The following RGS22 variants were observed in gnomAD, a reference collection of about 807,000 sequenced individuals.
RGS22 encodes the protein regulator of G protein signaling 22.
RGS22 carries 148 observed loss-of-function variants against 172.9 expected under a neutral mutation model. The ratio of observed to expected loss-of-function variants is 0.86; its 90% confidence interval spans 0.75 to 0.98. The LOEUF is 0.98. RGS22 is among the 50% of genes least tolerant of loss of function. The pLI is 0.00. For synonymous variants in RGS22, 458 were observed against 480.2 expected (o/e 0.95, Z 0.60); for missense variants, 1,347 against 1,440.8 (o/e 0.93, Z 1.05).
chr8:99,969,733 C>G (rs1811129884), intron 23 of RGS22, among the ~76,000 whole-genome samples: 1 of 152,162 alleles, frequency 6.6e-6, no homozygotes, highest in African/African-American at 2.4e-5. Flanking sequence ...ATTCATAAAG[C>G]AAGTTCTTAG....
rs575513188 is a variant in RGS22, at chr8:99,995,811, C to T, written c.3018+651G>A. On this transcript the variant is annotated intron_variant, in intron 20 of 27. Transcript: ENST00000360863. The stretch of plus-strand genomic sequence containing the variant: ...ATGCTGCTATAAAGACACATGCACA[C>T]GTATGTTTATTGCAGCACTATTCAC... Among the ~76,000 whole-genome samples the T allele has an allele frequency of 1.7e-3, 263 of 152,236 alleles. 3 individuals are homozygous for T. Among genetic ancestry groups the T allele is most frequent in the African/African-American group, 6.0e-3 (248 of 41,532 alleles).
At chr8:100,048,961 T>G (rs1381777220) in intron 10 of RGS22, among the ~76,000 whole-genome samples, 1 of 152,126 alleles carries the variant, frequency 6.6e-6, no homozygotes, top group Non-Finnish European at 1.5e-5. Context: ...TAAAAAGTGA[T>G]TAAGATGACA....
chr8:100,012,170 G>A (rs1258291301), intron 14 of RGS22, among the ~76,000 whole-genome samples: 2 of 151,976 alleles, frequency 1.3e-5, no homozygotes, highest in African/African-American at 4.8e-5. Flanking sequence ...CAATTGAAAT[G>A]CTCTACTGTG....
At chr8:100,059,471 A>C (rs1043797930) in intron 9 of RGS22, among the ~76,000 whole-genome samples, 12 of 152,152 alleles carry the variant, frequency 7.9e-5, no homozygotes, top group African/African-American at 2.4e-4. Context: ...AAACAAAAAA[A>C]AAAAAGCAGG....
rs1279137478 is a variant in RGS22 at position 100,003,974 on chromosome 8, T to C, written c.2579A>G (p.Lys860Arg). ...HFKFSDLLNNKLEFEHFRQFL... is the reference protein window; with the variant it reads ...HFKFSDLLNNRLEFEHFRQFL... Reference sequence around the variant, plus strand: ...CTGACGGAAATGTTCAAACTCCAGTTTGTTGTTAAGCAGATCACTAAACTT... The same window carrying C: ...CTGACGGAAATGTTCAAACTCCAGTCTGTTGTTAAGCAGATCACTAAACTT... Residue 860 changes from lysine (K) to arginine (R), a missense_variant, in exon 17 of 28, where the codon AAA (lysine) becomes AGA (arginine). Transcript: ENST00000360863. The C allele has an allele frequency of 6.2e-7, 1 of 1,610,792 alleles. No individual in the cohort carries two copies. The highest frequency in any genetic ancestry group is 8.5e-7 in the Non-Finnish European group (1 of 1,178,174).
At chr8:99,975,577 G>A (rs1049398739) in intron 23 of RGS22, among the ~76,000 whole-genome samples, 2 of 150,594 alleles carry the variant, frequency 1.3e-5, no homozygotes, top group Non-Finnish European at 2.9e-5. Flanking sequence ...ATGATAGTGT[G>A]TATTGCCATT....
At chr8:99,962,560 G>T in intron 26 of RGS22, 117 bp from the exon 27 acceptor site, 1 of 1,393,012 alleles carries the variant, frequency 7.2e-7, no homozygotes, top group Non-Finnish European at 1.0e-6. Flanking sequence ...CTAAGTTGGG[G>T]GGCAGAATAG....
intron 2 of RGS22, among the ~76,000 whole-genome samples, chr8:100,094,593 T>C (rs553050800): frequency 7.2e-5 from 11 of 152,352 alleles, no homozygotes; most frequent in Non-Finnish European, 1.5e-4. Flanking sequence ...AAATTTCAAC[T>C]GATTAAAATA....
rs948776652 is a variant in RGS22 at position 100,048,908 on chromosome 8, C to T, written c.1690-1312G>A. On this transcript the variant is annotated intron_variant, in intron 10 of 27. Coordinates refer to ENST00000360863, the MANE Select transcript of RGS22 (RefSeq NM_015668.5). ...ATGAGAAAGTTCTAGAGATCTGTTTCACAACATTGTGAATATAACTAATAC... is the reference window on the plus strand; with the variant it reads ...ATGAGAAAGTTCTAGAGATCTGTTTTACAACATTGTGAATATAACTAATAC... Among the ~76,000 whole-genome samples the T allele has an allele frequency of 2.6e-5, 4 of 152,030 alleles. 1 individual carries two copies. The highest frequency in any genetic ancestry group is 4.1e-4 in the South Asian group (2 of 4,838).
chr8:99,987,699 C>G (rs1299345205), intron 20 of RGS22, 80 bp from the exon 21 acceptor site: 11 of 1,090,316 alleles, frequency 1.0e-5, no homozygotes, highest in Non-Finnish European at 3.7e-6. Context: ...AAAATTTTGC[C>G]TGTTGAAATG....
intron 9 of RGS22, among the ~76,000 whole-genome samples, chr8:100,054,003 C>A (rs929656794): frequency 2.0e-5 from 3 of 152,070 alleles, no homozygotes; most frequent in African/African-American, 7.2e-5. Flanking sequence ...TATTTTCAAG[C>A]CTTAAATTTG....
chr8:100,045,698 A>G (rs760872991), intron 11 of RGS22, among the ~76,000 whole-genome samples: 23 of 151,192 alleles, frequency 1.5e-4, no homozygotes, highest in East Asian at 1.9e-4. Context: ...AAATTCTTTT[A>G]GGAATTTATA....
intron 14 of RGS22, among the ~76,000 whole-genome samples, chr8:100,030,116 G>A (rs1300673583): frequency 6.6e-6 from 1 of 152,178 alleles, no homozygotes; most frequent in Non-Finnish European, 1.5e-5. Flanking sequence ...TCAATCAATG[G>A]TGGACCACAT....
chr8:100,080,426 T>C, intron 3 of RGS22, 71 bp from the exon 4 acceptor site: 1 of 1,091,400 alleles, frequency 9.2e-7, no homozygotes, highest in Non-Finnish European at 1.3e-6. Context: ...AGAAGACTTG[T>C]GGTTTACATA....
chr8:100,047,838 T>C (rs1820886218), intron 10 of RGS22, among the ~76,000 whole-genome samples: 1 of 152,178 alleles, frequency 6.6e-6, no homozygotes, highest in Non-Finnish European at 1.5e-5. Flanking sequence ...ATATCCTTAC[T>C]TCCACCATTG....
At chr8:100,015,746 A>G (rs1354590790) in intron 14 of RGS22, among the ~76,000 whole-genome samples, 1 of 152,254 alleles carries the variant, frequency 6.6e-6, no homozygotes, top group Admixed American at 6.5e-5. Context: ...GGAAATAAGT[A>G]GCATAACTTC....
chr8:99,990,694 C>T (rs917819878), intron 20 of RGS22, among the ~76,000 whole-genome samples: 1 of 152,170 alleles, frequency 6.6e-6, no homozygotes, highest in African/African-American at 2.4e-5. Context: ...GTGGGCAGGG[C>T]ATAACTGAAC....
rs771660487 is a variant in RGS22, at chr8:100,063,791, C to T, written c.977G>A (p.Gly326Glu). The T allele has an allele frequency of 1.9e-6, 3 of 1,614,032 alleles. No individual in the cohort carries two copies. Among genetic ancestry groups the T allele is most frequent in the Non-Finnish European group, 2.5e-6 (3 of 1,179,990 alleles). The change falls in exon 8 of 28, where the codon GGA becomes GAA. Residue 326 changes from glycine to glutamate, a missense_variant. Transcript: ENST00000360863. ...CTTTCCAACAATTTGCTGAATTGCT[C>T]CTCTCAAAATAAAGTATATATAGGA... is the stretch of plus-strand genomic sequence containing the variant. The part of the protein sequence containing the change: ...LSSYIYFILR[G>E]AIQQIVGKPV...
At chr8:100,043,275 C>A (rs921849120) in intron 11 of RGS22, among the ~76,000 whole-genome samples, 1 of 152,154 alleles carries the variant, frequency 6.6e-6, no homozygotes, top group Non-Finnish European at 1.5e-5. Flanking sequence ...AGCGCCCCAC[C>A]TCCTGCCCGT....
Sources: allele counts gnomAD v4.1 joint callset (sites outside exome capture counted in the v4.1 genomes callset), GRCh38; gene constraint gnomAD v4.1.1; transcripts MANE v1.5; gene names NCBI Gene and HGNC (gene_info 2026-07-23, HGNC 2026-07-21).